RGS6: variants seen among roughly 807,000 people sequenced by gnomAD.
RGS6 encodes the protein regulator of G protein signaling 6.
RGS6 carries 30 observed loss-of-function variants against 78.5 expected under a neutral mutation model. That is an observed-to-expected ratio of 0.38 (90% CI 0.29 to 0.52). RGS6 has a LOEUF of 0.52. Among genes scored for constraint, RGS6 ranks in the 20% least tolerant of loss-of-function variants. The probability of loss-of-function intolerance (pLI) is 0.85; values close to 1 mark genes in which losing one functional copy is unlikely to be tolerated. For synonymous variants in RGS6, 206 were observed against 206.0 expected, an observed-to-expected ratio of 1.00 and a Z score of 0.00; for missense variants, 495 against 609.7, an observed-to-expected ratio of 0.81 and a Z score of 1.98.
chr14:72,388,508 T>C (rs535814612), intron 3 of RGS6, among the ~76,000 whole-genome samples: 1 of 152,166 alleles, frequency 6.6e-6, no homozygotes, highest in African/African-American at 2.4e-5. Context: ...GAGTCCCCCT[T>C]TTCTCAGAGT....
intron 3 of RGS6, among the ~76,000 whole-genome samples, chr14:72,446,419 C>T (rs1019861043): frequency 1.3e-5 from 2 of 152,154 alleles, no homozygotes; most frequent in African/African-American, 4.8e-5. Flanking sequence ...GTTCTCTTGA[C>T]GTTGAAAGCC....
intron 3 of RGS6, among the ~76,000 whole-genome samples, chr14:72,376,080 A>G (rs1812685302): frequency 6.6e-6 from 1 of 152,260 alleles, no homozygotes; most frequent in African/African-American, 2.4e-5. Context: ...AAACAAATTC[A>G]GTGAAATATA....
At chr14:71,897,202 T>G in the RGS6 span, among the ~76,000 whole-genome samples, 2 of 152,014 alleles carry the variant, frequency 1.3e-5, no homozygotes, top group Non-Finnish European at 2.9e-5. Context: ...TGAATAAATA[T>G]TCTGGCTATC....
At chr14:72,326,989 G>A (rs551720276) in intron 2 of RGS6, among the ~76,000 whole-genome samples, 1 of 152,318 alleles carries the variant, frequency 6.6e-6, no homozygotes, top group African/African-American at 2.4e-5. Context: ...TTACAGGTGT[G>A]AGCCGTTGCG....
chr14:72,472,737 G>T, intron 8 of RGS6, 135 bp from the exon 9 acceptor site: 1 of 659,152 alleles, frequency 1.5e-6, no homozygotes, highest in East Asian at 2.7e-5. Flanking sequence ...GCTCTGCAGA[G>T]AGCAGGCACC....
At chr14:71,929,996 C>G (rs1166178471), upstream of RGS6, among the ~76,000 whole-genome samples, 2 of 152,218 alleles carry the variant, frequency 1.3e-5, no homozygotes, top group African/African-American at 4.8e-5. Context: ...GTTTCATCCA[C>G]TATACCAAGG....
intron 3 of RGS6, among the ~76,000 whole-genome samples, chr14:72,383,505 A>G (rs1331747624): frequency 1.3e-5 from 2 of 152,046 alleles, no homozygotes; most frequent in African/African-American, 4.8e-5. Context: ...TAAACCTGCA[A>G]CGTGATCCAT....
chr14:72,219,768 T>C (rs2046424808), intron 2 of RGS6, among the ~76,000 whole-genome samples: 1 of 152,224 alleles, frequency 6.6e-6, no homozygotes, highest in Non-Finnish European at 1.5e-5. Context: ...TCTCCAAGAC[T>C]ACATAGAATT....
chr14:72,276,193 T>TA (rs897247681), intron 2 of RGS6, among the ~76,000 whole-genome samples: 6 of 151,594 alleles, frequency 4.0e-5, no homozygotes, highest in African/African-American at 9.7e-5. Flanking sequence ...ATGAATGCTT[T>TA]AAAAAAAAAA....
At chr14:72,094,114 T>A (rs535207738) in intron 2 of RGS6, among the ~76,000 whole-genome samples, 2 of 152,274 alleles carry the variant, frequency 1.3e-5, no homozygotes, top group South Asian at 2.1e-4. Context: ...CCTAAAGAAT[T>A]TCTGGACAGG....
intron 2 of RGS6, among the ~76,000 whole-genome samples, chr14:72,331,829 C>T (rs1254137720): frequency 3.3e-5 from 5 of 152,182 alleles, no homozygotes; most frequent in African/African-American, 9.7e-5. Flanking sequence ...TGTTTTTCTC[C>T]GTGGACTATC....
intron 3 of RGS6, among the ~76,000 whole-genome samples, chr14:72,397,212 T>A (rs1257311033): frequency 6.6e-6 from 1 of 152,220 alleles, no homozygotes; most frequent in Non-Finnish European, 1.5e-5. Flanking sequence ...ATTTGTATCC[T>A]CTTTTATTTC....
intron 2 of RGS6, among the ~76,000 whole-genome samples, chr14:72,276,745 T>C (rs896188205): frequency 6.6e-6 from 1 of 152,196 alleles, no homozygotes; most frequent in Non-Finnish European, 1.5e-5. Context: ...TCTTCCACCA[T>C]GATTGTCAGG....
chr14:72,243,328 TCTTGAATCTCAGTTC>T (rs6145388), intron 2 of RGS6, among the ~76,000 whole-genome samples: 87,991 of 151,496 alleles, frequency 0.58, 26,046 homozygotes, highest in Middle Eastern at 0.69. Context: ...AATCTCAGTT[TCTTGAATCTCAGTTC>T]CTTGAATCTT....
intron 2 of RGS6, among the ~76,000 whole-genome samples, chr14:72,106,734 C>T (rs1044371752): frequency 5.3e-5 from 8 of 152,180 alleles, no homozygotes; most frequent in African/African-American, 1.4e-4. Context: ...CTTTTCCATA[C>T]AGTGTATCTG....
intron 2 of RGS6, among the ~76,000 whole-genome samples, chr14:72,253,961 A>C (rs1034724805): frequency 6.6e-6 from 1 of 152,182 alleles, no homozygotes; most frequent in Non-Finnish European, 1.5e-5. Context: ...AGGGCACCTC[A>C]CGTGGCATTC....
chr14:72,543,386 G>C (rs984022299), intron 17 of RGS6, among the ~76,000 whole-genome samples: 1 of 152,214 alleles, frequency 6.6e-6, no homozygotes, highest in African/African-American at 2.4e-5. Flanking sequence ...ACACACAGCA[G>C]CTTCTCCAGG....
Position 72,542,020 on chromosome 14 carries a change from A to C in RGS6, c.1422+1926A>C, listed in dbSNP as rs191856194. Among the ~76,000 whole-genome samples, 28 of 152,310 alleles carry C rather than the reference A, an allele frequency of 1.8e-4. No individual in the cohort carries two copies. The East Asian group carries it at 5.2e-3, about 28-fold the overall frequency. On this transcript the variant is annotated intron_variant, in intron 17 of 17. Transcript: ENST00000553525. The stretch of plus-strand genomic sequence containing the variant: ...TAAGTGTCTGAAGTGCACACATGGG[A>C]GAGCTTCCAGAGGGAGTTTCAGAGT...
chr14:71,874,200 G>A, the RGS6 span, among the ~76,000 whole-genome samples: 3 of 151,990 alleles, frequency 2.0e-5, no homozygotes, highest in Admixed American at 6.6e-5. Context: ...TAGCTTGATG[G>A]GGATGGCATT....
Sources: gnomAD v4.1 joint callset for allele counts (sites outside exome capture counted in the v4.1 genomes callset) on GRCh38, gnomAD v4.1.1 for gene constraint, MANE v1.5 for transcripts, NCBI Gene and HGNC (gene_info 2026-07-23, HGNC 2026-07-21) for gene names.